The following HCRTR2 variants were observed in gnomAD, a reference collection of about 807,000 sequenced individuals.
HCRTR2 encodes the protein orexin receptor type 2.
A neutral mutation model predicts 49.0 loss-of-function variants in HCRTR2; 22 were observed. That is an observed-to-expected ratio of 0.45 (90% CI 0.32 to 0.64). The LOEUF (loss-of-function observed/expected upper bound fraction) is 0.64, where lower values mean the gene tolerates loss of function less well. HCRTR2 is among the 30% of genes least tolerant of loss of function. The probability of loss-of-function intolerance (pLI) is 0.04; values close to 1 mark genes in which losing one functional copy is unlikely to be tolerated. For missense variants in HCRTR2, 491 were observed against 559.4 expected, an observed-to-expected ratio of 0.88 and a Z score of 1.23; for synonymous variants, 236 against 205.3, an observed-to-expected ratio of 1.15 and a Z score of -1.28.
At chr6:55,205,192 A>G (rs1765579683) in intron 1 of HCRTR2, among the ~76,000 whole-genome samples, 1 of 152,236 alleles carries the variant, frequency 6.6e-6, no homozygotes, top group Non-Finnish European at 1.5e-5. Flanking sequence ...TTGAGGATGT[A>G]CTTTTGGGAA....
intron 4 of HCRTR2, among the ~76,000 whole-genome samples, chr6:55,274,274 T>A (rs1382986266): frequency 6.9e-6 from 1 of 145,572 alleles, no homozygotes; most frequent in Non-Finnish European, 1.5e-5. Flanking sequence ...TATATATACT[T>A]ATACATATAT....
chr6:55,181,351 G>C (rs1301860976), intron 1 of HCRTR2, among the ~76,000 whole-genome samples: 1 of 152,074 alleles, frequency 6.6e-6, no homozygotes, highest in Non-Finnish European at 1.5e-5. Flanking sequence ...TCTTAACCAA[G>C]TAAATGAATT....
chr6:55,251,525 T>C (rs1224464828), intron 2 of HCRTR2, among the ~76,000 whole-genome samples: 7 of 152,018 alleles, frequency 4.6e-5, no homozygotes, highest in African/African-American at 1.7e-4. Context: ...AGTGATTTTT[T>C]TTAACTGCAG....
chr6:55,226,329 G>C (rs1286639706), intron 1 of HCRTR2, among the ~76,000 whole-genome samples: 1 of 151,942 alleles, frequency 6.6e-6, no homozygotes, highest in Non-Finnish European at 1.5e-5. Context: ...TTTCTTTTGA[G>C]ACAAAGTCTC....
At chr6:55,165,510 A>T (rs1167555661) in intron 1 of HCRTR2, among the ~76,000 whole-genome samples, 1 of 152,044 alleles carries the variant, frequency 6.6e-6, no homozygotes, top group Non-Finnish European at 1.5e-5. Context: ...AGCTAAAACT[A>T]TGAAACTCTT....
chr6:55,280,851 A>G (rs1188103371), intron 6 of HCRTR2, among the ~76,000 whole-genome samples: 1 of 152,174 alleles, frequency 6.6e-6, no homozygotes, highest in Non-Finnish European at 1.5e-5. Flanking sequence ...TAGATATTTT[A>G]CTATATTTAC....
chr6:55,281,019 T>A (rs969570864), intron 6 of HCRTR2, among the ~76,000 whole-genome samples: 1 of 152,194 alleles, frequency 6.6e-6, no homozygotes, highest in African/African-American at 2.4e-5. Context: ...TCAATATAAT[T>A]ATAAAAGTCA....
rs545804186 is a variant in HCRTR2, at chr6:55,205,949, A to G, written c.223+31139A>G. Among the ~76,000 whole-genome samples, 4 of 152,228 alleles carry G rather than the reference A, an allele frequency of 2.6e-5. No homozygotes were observed. In the East Asian group the frequency reaches 5.8e-4, roughly 22 times the overall value. ...TATTTCAAAACATCTCATGTACCCC[A>G]TAAATATATACATCTACTATGTACC... On this transcript the variant is annotated intron_variant, in intron 1 of 6. Transcript: ENST00000370862.
At chr6:55,239,713 T>A (rs1308882852) in intron 1 of HCRTR2, among the ~76,000 whole-genome samples, 1 of 152,038 alleles carries the variant, frequency 6.6e-6, no homozygotes, top group South Asian at 2.1e-4. Flanking sequence ...TTTCTTTTCT[T>A]GAGGAAATAA....
chr6:55,149,230 A>T (rs1764632976), intron 1 of HCRTR2, among the ~76,000 whole-genome samples: 1 of 152,064 alleles, frequency 6.6e-6, no homozygotes, highest in African/African-American at 2.4e-5. Flanking sequence ...GGAAAAAATT[A>T]CTTTAATGCT....
intron 1 of HCRTR2, among the ~76,000 whole-genome samples, chr6:55,164,162 T>G (rs1436528502): frequency 6.6e-6 from 1 of 152,190 alleles, no homozygotes; most frequent in Non-Finnish European, 1.5e-5. Flanking sequence ...AGGAACGCTT[T>G]TACACTGTTG....
chr6:55,276,932 T>C (rs540623051), intron 4 of HCRTR2, among the ~76,000 whole-genome samples: 1 of 152,316 alleles, frequency 6.6e-6, no homozygotes, highest in East Asian at 1.9e-4. Context: ...TCTATCTCTC[T>C]GGCAGCAGAT....
At chr6:55,178,766 A>G (rs1449435462) in intron 1 of HCRTR2, among the ~76,000 whole-genome samples, 2 of 152,188 alleles carry the variant, frequency 1.3e-5, no homozygotes, top group African/African-American at 4.8e-5. Flanking sequence ...CATCTCCTTC[A>G]TACTGATTGC....
chr6:55,176,653 G>T (rs888097631), intron 1 of HCRTR2, among the ~76,000 whole-genome samples: 3 of 152,086 alleles, frequency 2.0e-5, no homozygotes, highest in East Asian at 3.9e-4. Context: ...ATAAAATGAC[G>T]TATTAAGGGA....
chr6:55,116,547 G>T (rs1358369092), intron 1 of HCRTR2, among the ~76,000 whole-genome samples: 4 of 151,248 alleles, frequency 2.6e-5, no homozygotes, highest in Non-Finnish European at 4.4e-5. Context: ...GGAGAGAAAA[G>T]AATCACCAAT....
At chr6:55,167,843 T>C (rs975743414) in intron 1 of HCRTR2, among the ~76,000 whole-genome samples, 2 of 152,156 alleles carry the variant, frequency 1.3e-5, no homozygotes, top group African/African-American at 4.8e-5. Context: ...TTTATTATTT[T>C]GAAAAGAAAA....
At chr6:55,150,324 T>TATG (rs1482145412) in intron 1 of HCRTR2, among the ~76,000 whole-genome samples, 2 of 151,596 alleles carry the variant, frequency 1.3e-5, no homozygotes, top group Non-Finnish European at 2.9e-5. Context: ...TTCTTCTTAT[T>TATG]ATTATTATTA....
At chr6:55,128,683 G>T (rs949621364) in intron 1 of HCRTR2, among the ~76,000 whole-genome samples, 11 of 152,100 alleles carry the variant, frequency 7.2e-5, no homozygotes, top group Middle Eastern at 6.8e-3. Flanking sequence ...GTGTGAATCT[G>T]CCTGTTTTTT....
At chr6:55,203,554 G>T (rs1765547299) in intron 1 of HCRTR2, among the ~76,000 whole-genome samples, 1 of 152,114 alleles carries the variant, frequency 6.6e-6, no homozygotes, top group Admixed American at 6.6e-5. Flanking sequence ...GAAGTTAAGT[G>T]CTATGGAAAA....
Sources: allele counts gnomAD v4.1 joint callset (sites outside exome capture counted in the v4.1 genomes callset), GRCh38; gene constraint gnomAD v4.1.1; transcripts MANE v1.5; gene names NCBI Gene and HGNC (gene_info 2026-07-23, HGNC 2026-07-21).